Variants in BICRA observed in about 807,000 individuals in gnomAD.
The protein encoded by BICRA is BRD4-interacting chromatin-remodeling complex-associated protein.
In BICRA, 31 loss-of-function variants were observed where a neutral mutation model predicts 96.9. The observed-to-expected ratio is 0.32, with a 90% confidence interval of 0.24 to 0.43. The LOEUF (loss-of-function observed/expected upper bound fraction) is 0.43, where lower values mean the gene tolerates loss of function less well. Ranked by LOEUF, BICRA falls within the 20% of genes least tolerant of loss-of-function variation. The pLI is 1.00. For synonymous variants in BICRA, 1,350 were observed against 1,071.8 expected (o/e 1.26, Z -5.07); for missense variants, 2,283 against 2,190.3 (o/e 1.04, Z -0.84).
chr19:47,673,680 G>A, intron 3 of BICRA, 40 bp from the exon 4 acceptor site: 1 of 1,204,964 alleles, frequency 8.3e-7, no homozygotes, highest in Non-Finnish European at 1.2e-6. Flanking sequence ...CCCCTCCCCA[G>A]CTCCTTACCT....
chr19:47,702,130 G>T lies in BICRA; in HGVS notation c.4398G>T (p.Ala1466=). 1 of 1,533,668 alleles carries T rather than the reference G, an allele frequency of 6.5e-7. No individual in the cohort carries two copies. The change falls in exon 15 of 15, where the codon GCG becomes GCT. Residue 1466 remains alanine (A), a synonymous_variant. Transcript: ENST00000594866. ...AQGTGDPDWE[A]PGLPPAKRRK... ...GCACCGGGGACCCCGACTGGGAGGC[G>T]CCCGGGCTGCCCCCTGCCAAGCGGC...
chr19:47,613,874 T>A (rs1971946681), intron 1 of BICRA, among the ~76,000 whole-genome samples: 1 of 151,978 alleles, frequency 6.6e-6, no homozygotes, highest in Non-Finnish European at 1.5e-5. Flanking sequence ...TTCTAAGGCA[T>A]TTCTAGTTTG....
chr19:47,643,520 C>CG (rs1363842964), intron 1 of BICRA, among the ~76,000 whole-genome samples: 1 of 152,104 alleles, frequency 6.6e-6, no homozygotes, highest in African/African-American at 2.4e-5. Flanking sequence ...GGGCTGCTCA[C>CG]GGTGCTGTCC....
chr19:47,678,584 C>CG (rs1972976239), intron 5 of BICRA, among the ~76,000 whole-genome samples: 1 of 152,040 alleles, frequency 6.6e-6, no homozygotes, highest in Non-Finnish European at 1.5e-5. Flanking sequence ...GAGGGTGCCC[C>CG]GCTGGGTCTT....
intron 1 of BICRA, among the ~76,000 whole-genome samples, chr19:47,609,898 C>T (rs1971873009): frequency 1.3e-5 from 2 of 152,130 alleles, no homozygotes; most frequent in South Asian, 4.1e-4. Flanking sequence ...CAGCCCCCGG[C>T]AATAGAGGGA....
At chr19:47,657,973 T>C (rs951565695) in intron 1 of BICRA, among the ~76,000 whole-genome samples, 1 of 151,938 alleles carries the variant, frequency 6.6e-6, no homozygotes, top group African/African-American at 2.4e-5. Context: ...GAACCTCTGA[T>C]TCTCTTGACC....
chr19:47,636,215 T>C lies in BICRA; in HGVS notation c.-108+27047T>C, dbSNP rs184552383. On this transcript the variant is annotated intron_variant, in intron 1 of 14. Transcript: ENST00000594866. ...CAGGTTAAGGGATGCTCAACCTGTATTATTATTTTGAGACAGAGCGTTGCT... is the reference window on the plus strand; with the variant it reads ...CAGGTTAAGGGATGCTCAACCTGTACTATTATTTTGAGACAGAGCGTTGCT... Among the ~76,000 whole-genome samples, 3 of 152,226 alleles carry C rather than the reference T, an allele frequency of 2.0e-5. No homozygotes were observed. In the East Asian group the frequency reaches 5.8e-4, roughly 29 times the overall value.
At chr19:47,629,518 A>C (rs1222559943) in intron 1 of BICRA, among the ~76,000 whole-genome samples, 1 of 152,126 alleles carries the variant, frequency 6.6e-6, no homozygotes, top group Non-Finnish European at 1.5e-5. Context: ...TCTCCTCTTT[A>C]AGGTTGAATA....
chr19:47,658,070 G>A (rs140259629), intron 1 of BICRA, among the ~76,000 whole-genome samples: 23 of 152,260 alleles, frequency 1.5e-4, no homozygotes, highest in African/African-American at 5.3e-4. Context: ...AGGAGAGGGA[G>A]CAAACAGTCT....
intron 2 of BICRA, among the ~76,000 whole-genome samples, chr19:47,672,167 A>C (rs1319413533): frequency 8.7e-6 from 1 of 115,242 alleles, no homozygotes; most frequent in Non-Finnish European, 1.8e-5. Flanking sequence ...AGGTAGATGG[A>C]TGGAAGGATG....
At chr19:47,688,880 G>T (rs1973198707) in intron 7 of BICRA, among the ~76,000 whole-genome samples, 1 of 152,198 alleles carries the variant, frequency 6.6e-6, no homozygotes, top group South Asian at 2.1e-4. Context: ...GGGCTGGAGT[G>T]CAGTGGCGCG....
At chr19:47,668,355 C>CA (rs927667973) in intron 1 of BICRA, among the ~76,000 whole-genome samples, 1 of 151,992 alleles carries the variant, frequency 6.6e-6, no homozygotes, top group Non-Finnish European at 1.5e-5. Flanking sequence ...GTAGAGTGGC[C>CA]AAAAAAATTG....
chr19:47,673,635 C>A lies in BICRA; in HGVS notation c.41+20C>A. 1 of 1,579,922 alleles carries A rather than the reference C, an allele frequency of 6.3e-7. No individual in the cohort carries two copies. The highest frequency in any genetic ancestry group is 8.7e-7 in the Non-Finnish European group (1 of 1,149,090). On this transcript the variant is annotated intron_variant, in intron 3 of 14. Transcript: ENST00000594866. ...GATTTGGTGAGTAACGGGCTCCCCACCCCCTGCCCTCTGTCTCAACCCCCT... is the reference window on the plus strand; with the variant it reads ...GATTTGGTGAGTAACGGGCTCCCCAACCCCTGCCCTCTGTCTCAACCCCCT...
chr19:47,694,624 G>A lies in BICRA; in HGVS notation c.2793G>A (p.Glu931=). The A allele has an allele frequency of 6.4e-7, 1 of 1,563,042 alleles. No individual in the cohort carries two copies. ...CTCCAACCCTCCACCTGGTCCCTGA[G>A]CCGGCAGCACCCCCCCCACCGCCTC... ...TPPPTLHLVP[E]PAAPPPPPPR... is the part of the protein sequence containing the mutation. The change falls in exon 8 of 15, where the codon GAG becomes GAA. Residue 931 remains glutamate (E), a synonymous_variant. Transcript: ENST00000594866.
chr19:47,608,836 AGAG>A (rs554119282), upstream of BICRA, among the ~76,000 whole-genome samples: 4,713 of 144,356 alleles, frequency 0.033, 160 homozygotes, highest in African/African-American at 0.09. Flanking sequence ...GGCGGAGGGA[AGAG>A]GAGGAGGAGG....
At chr19:47,649,655 G>A (rs77541622) in intron 1 of BICRA, among the ~76,000 whole-genome samples, 4,955 of 152,252 alleles carry the variant, frequency 0.033, 128 homozygotes, top group Non-Finnish European at 0.047. Context: ...GGCACATTAA[G>A]ACATGGTATG....
chr19:47,647,577 G>A (rs1972478591), intron 1 of BICRA, among the ~76,000 whole-genome samples: 1 of 152,056 alleles, frequency 6.6e-6, no homozygotes, highest in Non-Finnish European at 1.5e-5. Context: ...GTCCTGTTAG[G>A]TAACAGGAAA....
rs1304115554 is a variant in BICRA, at chr19:47,673,634, A to G, written c.41+19A>G. 15 of 1,434,786 alleles carry G rather than the reference A, an allele frequency of 1.0e-5. No homozygotes were observed. Among genetic ancestry groups the G allele is most frequent in the Non-Finnish European group, 1.3e-5 (13 of 1,024,802 alleles). 88.9% of individuals were successfully genotyped at this position (1,434,786 alleles called of 1,614,324 possible). On this transcript the variant is annotated intron_variant, in intron 3 of 14. Transcript: ENST00000594866. ...TGATTTGGTGAGTAACGGGCTCCCC[A>G]CCCCCTGCCCTCTGTCTCAACCCCC...
chr19:47,636,931 G>A (rs1972308135), intron 1 of BICRA, among the ~76,000 whole-genome samples: 1 of 152,084 alleles, frequency 6.6e-6, no homozygotes, highest in Non-Finnish European at 1.5e-5. Flanking sequence ...GCAGGCATGA[G>A]TCTTACCCCA....
Sources: allele counts gnomAD v4.1 joint callset (sites outside exome capture counted in the v4.1 genomes callset), GRCh38; gene constraint gnomAD v4.1.1; transcripts MANE v1.5; gene names NCBI Gene and HGNC (gene_info 2026-07-23, HGNC 2026-07-21).